The following ZNF680 variants were observed in gnomAD, a reference collection of about 807,000 sequenced individuals.
ZNF680 encodes the protein zinc finger protein 680, also known as hypothetical protein FLJ90430.
ZNF680 carries 6 observed loss-of-function variants against 12.1 expected under a neutral mutation model. The ratio of observed to expected loss-of-function variants is 0.49; its 90% CI spans 0.27 to 0.98. The LOEUF (loss-of-function observed/expected upper bound fraction) is 0.98. ZNF680 is among the 50% of genes least tolerant of loss of function. The pLI is 0.12. For synonymous variants in ZNF680, 170 were observed against 199.3 expected (o/e 0.85, Z 1.24); for missense variants, 561 against 616.3 (o/e 0.91, Z 0.95).
At chr7:64,523,568 G>A (rs1791660606) in intron 3 of ZNF680, among the ~76,000 whole-genome samples, 1 of 152,016 alleles carries the variant, frequency 6.6e-6, no homozygotes, top group Non-Finnish European at 1.5e-5. Flanking sequence ...AAATATATAT[G>A]TAAAATTAAC....
chr7:64,503,551 T>C, the ZNF680 span, among the ~76,000 whole-genome samples: 1 of 152,098 alleles, frequency 6.6e-6, no homozygotes, highest in African/African-American at 2.4e-5. Context: ...CAGCTAATTT[T>C]TGTATTTTTA....
intron 1 of ZNF680, among the ~76,000 whole-genome samples, chr7:64,562,316 A>C (rs1787792211): frequency 6.6e-6 from 1 of 152,186 alleles, no homozygotes; most frequent in African/African-American, 2.4e-5. Flanking sequence ...TTGCTTAACC[A>C]ACTATAAACT....
intron 1 of ZNF680, among the ~76,000 whole-genome samples, chr7:64,554,749 C>T (rs1426438841): frequency 6.6e-6 from 1 of 152,014 alleles, no homozygotes. Context: ...GGATTAAGGG[C>T]GGTGCAAGAT....
At position 64,555,633 on chromosome 7, in the gene ZNF680, GA is replaced by G. The variant is rs886777798; in HGVS notation, c.30+7291del. Among the ~76,000 whole-genome samples, 12 of 150,162 alleles carry G rather than the reference GA, an allele frequency of 8.0e-5. No individual in the cohort carries two copies. The East Asian group carries it at 2.3e-3, about 29-fold the overall frequency. On this transcript the variant is annotated intron_variant, in intron 1 of 3. Transcript: ENST00000309683. ...AAGAGCAAACCAACCCCTAAGCTAG[GA>G]AAAGACAAGAAATAACCAAAATCAG... is the stretch of plus-strand genomic sequence containing the variant.
Position 64,522,120 on chromosome 7 carries a change from A to G in ZNF680, c.634T>C (p.Cys212Arg). 1 of 1,611,360 alleles carries G rather than the reference A, an allele frequency of 6.2e-7. No homozygotes were observed. The highest frequency in any genetic ancestry group is 1.7e-5 in the Admixed American group (1 of 59,742). ...RIHTRENSYK[C>R]EECGKVLNWF... ...TTAAGAACTTTGCCACATTCCTCAC[A>G]TTTGTAAGAATTCTCTCTAGTGTGA... Residue 212 changes from cysteine to arginine, a missense_variant, in exon 4 of 4, where the codon TGT becomes CGT. Cys to Arg is a radical substitution (Grantham distance 180). Coordinates refer to ENST00000309683, the MANE Select transcript of ZNF680 (RefSeq NM_178558.5).
chr7:64,510,896 C>T, the ZNF680 span, among the ~76,000 whole-genome samples: 4 of 71,416 alleles, frequency 5.6e-5, no homozygotes, highest in East Asian at 6.2e-4. Flanking sequence ...GGCGACAGAG[C>T]GAGACTCCGT....
chr7:64,526,496 G>A, intron 3 of ZNF680: 1 of 959,284 alleles, frequency 1.0e-6, no homozygotes, highest in Non-Finnish European at 1.6e-6. Flanking sequence ...TTCAAGATCA[G>A]CCTGAGCAAC....
At chr7:64,530,479 G>A (rs182491000) in intron 3 of ZNF680, among the ~76,000 whole-genome samples, 1 of 152,258 alleles carries the variant, frequency 6.6e-6, no homozygotes, top group East Asian at 1.9e-4. Flanking sequence ...AACATTTCAT[G>A]CAAATGGACA....
intron 1 of ZNF680, among the ~76,000 whole-genome samples, chr7:64,552,794 C>A (rs1167117834): frequency 6.6e-6 from 1 of 152,046 alleles, no homozygotes; most frequent in Non-Finnish European, 1.5e-5. Context: ...AATGTCGTGG[C>A]CTTATATTTA....
chr7:64,501,581 C>T, the ZNF680 span: 29 of 758,694 alleles, frequency 3.8e-5, no homozygotes, highest in Admixed American at 4.1e-4. Flanking sequence ...CTGAGGGGGG[C>T]GCAGATGACT....
chr7:64,544,835 A>T (rs1374721947), intron 1 of ZNF680, among the ~76,000 whole-genome samples: 4 of 152,224 alleles, frequency 2.6e-5, no homozygotes. Flanking sequence ...TAAACTGAAG[A>T]TCTTATTATG....
At chr7:64,555,881 G>A (rs1482265195) in intron 1 of ZNF680, among the ~76,000 whole-genome samples, 1 of 151,880 alleles carries the variant, frequency 6.6e-6, no homozygotes, top group East Asian at 1.9e-4. Context: ...ACACTTCTAT[G>A]CACATGAACT....
the ZNF680 span, chr7:64,501,096 C>G: frequency 4.2e-6 from 4 of 954,474 alleles, no homozygotes; most frequent in Middle Eastern, 2.4e-4. Flanking sequence ...CAAAAGTGAA[C>G]GGAGGAAAAG....
chr7:64,541,081 T>C (rs1271347182), intron 3 of ZNF680, among the ~76,000 whole-genome samples: 1 of 152,170 alleles, frequency 6.6e-6, no homozygotes, highest in Non-Finnish European at 1.5e-5. Context: ...TTAAAAATTA[T>C]ATATTTTGCA....
chr7:64,513,067 A>G, the ZNF680 span, among the ~76,000 whole-genome samples: 1 of 152,216 alleles, frequency 6.6e-6, no homozygotes, highest in African/African-American at 2.4e-5. Flanking sequence ...CTGCTTCACA[A>G]TGAGTAAGGC....
chr7:64,521,862 C>T lies in ZNF680; in HGVS notation c.892G>A (p.Glu298Lys), dbSNP rs1176971151. Residue 298 changes from glutamate to lysine, a missense_variant, in exon 4 of 4, where the codon GAA becomes AAA. By Grantham distance (56) the Glu-to-Lys change is moderately conservative (BLOSUM62 1). Coordinates refer to ENST00000309683, the MANE Select transcript of ZNF680 (RefSeq NM_178558.5). ...HTGDKPYKCD[E>K]CHKAFNWFAT... Reference sequence around the variant, plus strand: ...AACCAGTTAAAGGCTTTGTGACATTCATCACATTTGTAAGGTTTGTCTCCA... The same window carrying T: ...AACCAGTTAAAGGCTTTGTGACATTTATCACATTTGTAAGGTTTGTCTCCA... The T allele has an allele frequency of 6.2e-7, 1 of 1,613,386 alleles. No individual in the cohort carries two copies. Among genetic ancestry groups the T allele is most frequent in the East Asian group, 2.2e-5 (1 of 44,830 alleles).
the ZNF680 span, among the ~76,000 whole-genome samples, chr7:64,502,382 A>T: frequency 6.6e-6 from 1 of 152,002 alleles, no homozygotes; most frequent in Non-Finnish European, 1.5e-5. Flanking sequence ...TCATTCATAC[A>T]GTTTCAGTAG....
intron 3 of ZNF680, among the ~76,000 whole-genome samples, chr7:64,523,035 T>C (rs1008104861): frequency 1.3e-5 from 2 of 152,016 alleles, no homozygotes; most frequent in Non-Finnish European, 2.9e-5. Flanking sequence ...TTTCTTCCAC[T>C]GAAAATAACA....
chr7:64,504,672 G>GA, the ZNF680 span, among the ~76,000 whole-genome samples: 1 of 152,230 alleles, frequency 6.6e-6, no homozygotes, highest in East Asian at 1.9e-4. Context: ...GAGTCACTCA[G>GA]AAAAAACTGG....
Sources: gnomAD v4.1 joint callset for allele counts (sites outside exome capture counted in the v4.1 genomes callset) on GRCh38, gnomAD v4.1.1 for gene constraint, MANE v1.5 for transcripts, NCBI Gene and HGNC (gene_info 2026-07-23, HGNC 2026-07-21) for gene names.